Variants in KPNA3 observed in about 807,000 individuals in gnomAD.
KPNA3 encodes karyopherin subunit alpha 3.
KPNA3 carries 13 observed loss-of-function variants against 73.8 expected under a neutral mutation model. The observed-to-expected ratio is 0.18, with a 90% CI of 0.11 to 0.28. The LOEUF is 0.28. Ranked by LOEUF, KPNA3 falls within the 10% of genes least tolerant of loss-of-function variation. The pLI is 1.00. For missense variants in KPNA3, 360 were observed against 618.1 expected (o/e 0.58, Z 4.43); for synonymous variants, 186 against 206.9 (o/e 0.90, Z 0.87).
intron 7 of KPNA3, 31 bp downstream of exon 7, chr13:49,725,385 A>G (rs777821898): frequency 7.3e-7 from 1 of 1,365,720 alleles, no homozygotes. Context: ...ATTAAAACAC[A>G]AAAAGTTCAG....
intron 6 of KPNA3, among the ~76,000 whole-genome samples, chr13:49,731,772 A>G (rs1041893230): frequency 1.3e-5 from 2 of 152,228 alleles, no homozygotes; most frequent in Admixed American, 1.3e-4. Context: ...TCACTAAACA[A>G]AAATGGAAAT....
chr13:49,705,932 C>T (rs1187660232), intron 14 of KPNA3, 149 bp from the exon 15 acceptor site: 1 of 953,208 alleles, frequency 1.0e-6, no homozygotes, highest in African/African-American at 1.7e-5. Context: ...CTGTGAATAG[C>T]AACTGCACTC....
chr13:49,713,185 G>T (rs1954275028), intron 10 of KPNA3, among the ~76,000 whole-genome samples: 1 of 151,604 alleles, frequency 6.6e-6, no homozygotes, highest in African/African-American at 2.4e-5. Context: ...GAATTACAAA[G>T]AAAAAAGGAT....
At chr13:49,730,352 G>T (rs1282544916) in intron 6 of KPNA3, among the ~76,000 whole-genome samples, 1 of 151,562 alleles carries the variant, frequency 6.6e-6, no homozygotes, top group African/African-American at 2.4e-5. Flanking sequence ...GGCCAACATG[G>T]TGAAACCCCA....
At chr13:49,784,768 C>T (rs1012041610) in intron 1 of KPNA3, among the ~76,000 whole-genome samples, 2 of 152,010 alleles carry the variant, frequency 1.3e-5, no homozygotes, top group South Asian at 2.1e-4. Context: ...GCGGTGCCTA[C>T]GATGTATTTA....
intron 1 of KPNA3, among the ~76,000 whole-genome samples, chr13:49,771,359 C>T (rs1318303945): frequency 6.6e-6 from 1 of 152,154 alleles, no homozygotes; most frequent in African/African-American, 2.4e-5. Flanking sequence ...CTTAAACTTT[C>T]AGTAAACAAT....
chr13:49,775,240 T>C (rs1177410000), intron 1 of KPNA3, among the ~76,000 whole-genome samples: 1 of 145,834 alleles, frequency 6.9e-6, no homozygotes, highest in Non-Finnish European at 1.5e-5. Context: ...CTAAGCAATA[T>C]ACTAAAGAAT....
chr13:49,719,574 A>C (rs1207192465), intron 10 of KPNA3, among the ~76,000 whole-genome samples: 2 of 152,176 alleles, frequency 1.3e-5, no homozygotes, highest in African/African-American at 4.8e-5. Flanking sequence ...AATTTCTCAA[A>C]AGTGAGCATT....
rs1566329274 is a variant in KPNA3, at chr13:49,701,481, C to T, written c.*319G>A. The T allele has an allele frequency of 2.0e-6, 1 of 490,842 alleles. No homozygotes were observed. The allele number at this position is 490,842 out of a possible 1,614,324, so 30.4% of individuals were successfully genotyped here. ...GAGTATCAGTGGGCAGCTGACATGT[C>T]ACCACTATGGAATATTTATTCTAAA... On this transcript the variant is annotated 3_prime_UTR_variant, in exon 17 of 17. Coordinates refer to ENST00000261667, the MANE Select transcript of KPNA3 (RefSeq NM_002267.4).
intron 1 of KPNA3, among the ~76,000 whole-genome samples, chr13:49,774,685 G>A (rs1954882266): frequency 6.6e-6 from 1 of 152,190 alleles, no homozygotes; most frequent in Non-Finnish European, 1.5e-5. Flanking sequence ...GTTTAGCCAT[G>A]ACCACAAGCA....
At chr13:49,767,155 G>A (rs1013769916) in intron 1 of KPNA3, among the ~76,000 whole-genome samples, 5 of 151,870 alleles carry the variant, frequency 3.3e-5, no homozygotes, top group Non-Finnish European at 5.9e-5. Flanking sequence ...AGTGGCTCAC[G>A]CCTGTAATCC....
chr13:49,744,782 G>T (rs1472000170), intron 2 of KPNA3, among the ~76,000 whole-genome samples: 2 of 152,050 alleles, frequency 1.3e-5, no homozygotes, highest in Non-Finnish European at 2.9e-5. Flanking sequence ...TTTTAAAAAG[G>T]GGGCGGGGAA....
chr13:49,778,616 G>T (rs1236312945), intron 1 of KPNA3, among the ~76,000 whole-genome samples: 1 of 152,162 alleles, frequency 6.6e-6, no homozygotes, highest in African/African-American at 2.4e-5. Context: ...ACATATGTTT[G>T]AAAGTTTTAT....
chr13:49,751,752 T>A (rs1954665116), intron 1 of KPNA3, among the ~76,000 whole-genome samples: 1 of 151,884 alleles, frequency 6.6e-6, no homozygotes, highest in Non-Finnish European at 1.5e-5. Flanking sequence ...TACAAAAAAA[T>A]TAAAAATTAG....
intron 1 of KPNA3, among the ~76,000 whole-genome samples, chr13:49,772,671 C>G (rs1342558183): frequency 6.6e-6 from 1 of 151,986 alleles, no homozygotes; most frequent in Non-Finnish European, 1.5e-5. Context: ...GGCATGGTGG[C>G]GCACGTCTGT....
chr13:49,759,756 C>G (rs1359173863), intron 1 of KPNA3, among the ~76,000 whole-genome samples: 2 of 152,192 alleles, frequency 1.3e-5, no homozygotes, highest in African/African-American at 2.4e-5. Flanking sequence ...GCTGTAAATA[C>G]AGATGAAGCT....
chr13:49,733,282 G>GTT (rs760449062), intron 2 of KPNA3, among the ~76,000 whole-genome samples: 9,328 of 100,644 alleles, frequency 0.093, 702 homozygotes, highest in South Asian at 0.13. Flanking sequence ...CCACTGTGGT[G>GTT]TTTTTTTTTT....
intron 2 of KPNA3, among the ~76,000 whole-genome samples, chr13:49,743,220 T>C (rs1954589463): frequency 3.3e-5 from 5 of 152,180 alleles, no homozygotes; most frequent in Admixed American, 2.6e-4. Flanking sequence ...AGCTCTCTTT[T>C]GTTTTCAAGA....
At chr13:49,703,652 A>C (rs1954172117) in intron 15 of KPNA3, among the ~76,000 whole-genome samples, 1 of 152,206 alleles carries the variant, frequency 6.6e-6, no homozygotes, top group African/African-American at 2.4e-5. Flanking sequence ...TAGAGGTCTT[A>C]TGTCCTATAG....
Sources: gnomAD v4.1 joint callset for allele counts (sites outside exome capture counted in the v4.1 genomes callset) on GRCh38, gnomAD v4.1.1 for gene constraint, MANE v1.5 for transcripts, NCBI Gene and HGNC (gene_info 2026-07-23, HGNC 2026-07-21) for gene names.